The following DYNC2I2 variants were observed in gnomAD, a reference collection of about 807,000 sequenced individuals.
The protein encoded by DYNC2I2 is cytoplasmic dynein 2 intermediate chain 2.
A neutral mutation model predicts 52.0 loss-of-function variants in DYNC2I2; 39 were observed. That is an observed-to-expected ratio of 0.75 (90% CI 0.58 to 0.98). The LOEUF is 0.98. Ranked by LOEUF, DYNC2I2 falls within the 50% of genes least tolerant of loss-of-function variation. The pLI is 0.00. For synonymous variants in DYNC2I2, 359 were observed against 321.1 expected, an observed-to-expected ratio of 1.12 and a Z score of -1.26; for missense variants, 743 against 728.4, an observed-to-expected ratio of 1.02 and a Z score of -0.23.
At chr9:128,667,424 C>G in the DYNC2I2 span, among the ~76,000 whole-genome samples, 92 of 152,072 alleles carry the variant, frequency 6.0e-4, no homozygotes, top group African/African-American at 2.1e-3. Context: ...CTCCCTGGTT[C>G]AAGCGATTCT....
chr9:128,663,582 A>G, the DYNC2I2 span: 1 of 151,720 alleles, frequency 6.6e-6, no homozygotes, highest in South Asian at 2.1e-4. Flanking sequence ...TTAATCTGCA[A>G]GTAGATGTAT....
At chr9:128,680,510 T>C in the DYNC2I2 span, among the ~76,000 whole-genome samples, 2 of 151,782 alleles carry the variant, frequency 1.3e-5, no homozygotes, top group Admixed American at 6.6e-5. Context: ...CCAGAGTAGC[T>C]GGGACTACAG....
At chr9:128,683,930 A>C in the DYNC2I2 span, 4 of 1,555,880 alleles carry the variant, frequency 2.6e-6, no homozygotes, top group Non-Finnish European at 3.5e-6. Context: ...CTCCCGCCTC[A>C]AAAGAAGAAA....
At chr9:128,665,296 C>G in the DYNC2I2 span, among the ~76,000 whole-genome samples, 2 of 151,916 alleles carry the variant, frequency 1.3e-5, no homozygotes, top group Non-Finnish European at 2.9e-5. Flanking sequence ...CGTGTTCCAC[C>G]CTCCTCGGCC....
Position 128,636,850 on chromosome 9 carries a change from A to T in DYNC2I2, c.545+68T>A, listed in dbSNP as rs1860424878. On this transcript the variant is annotated intron_variant, in intron 3 of 8. Transcript: ENST00000372715. ...AGAACCAGCCCTTCCCTGTGCAGCT[A>T]CAGAGACAAGGCCCAAGGAGGGTCC... is the stretch of plus-strand genomic sequence containing the variant. 12 of 1,238,314 alleles carry T rather than the reference A, an allele frequency of 9.7e-6. No homozygotes were observed. The South Asian group carries it at 1.3e-4, about 13-fold the overall frequency. The allele number at this position is 1,238,314 out of a possible 1,614,324, so 76.7% of individuals were successfully genotyped here.
At chr9:128,684,363 T>C in the DYNC2I2 span, among the ~76,000 whole-genome samples, 8 of 152,272 alleles carry the variant, frequency 5.3e-5, no homozygotes, top group African/African-American at 1.9e-4. Context: ...CTGGTGGTTC[T>C]ACCTCAGTAT....
chr9:128,676,259 G>A, the DYNC2I2 span, among the ~76,000 whole-genome samples: 2 of 152,144 alleles, frequency 1.3e-5, no homozygotes, highest in Admixed American at 1.3e-4. Context: ...GGAGGCCAAG[G>A]TGGGTGGATC....
chr9:128,643,105 CTGAGCGCCGTGG>C (rs1371934882), intron 1 of DYNC2I2, among the ~76,000 whole-genome samples: 4 of 152,178 alleles, frequency 2.6e-5, no homozygotes, highest in Non-Finnish European at 4.4e-5. Flanking sequence ...GGAAAATCCC[CTGAGCGCCGTGG>C]CTCACGCCTG....
chr9:128,642,754 CA>C (rs936860089), intron 1 of DYNC2I2, among the ~76,000 whole-genome samples: 14 of 145,850 alleles, frequency 9.6e-5, no homozygotes, highest in Admixed American at 4.1e-4. Flanking sequence ...GACTCCATTT[CA>C]AAAAAAAAAA....
In DYNC2I2 at chr9:128,640,958, CAA is replaced by C. The variant is rs1305539037; in HGVS notation, c.187-21_187-20del. On this transcript the variant is annotated intron_variant, in intron 1 of 8. Coordinates refer to ENST00000372715, the MANE Select transcript of DYNC2I2 (RefSeq NM_052844.4). ...AACTTTTCTGGGGGGAGGGTGAAAA[CAA>C]GTGTCACCACCCAGCTGTCCTCGCA... is the stretch of plus-strand genomic sequence containing the variant. 2 of 1,565,274 alleles carry C rather than the reference CAA, an allele frequency of 1.3e-6. No homozygotes were observed. Among genetic ancestry groups the C allele is most frequent in the African/African-American group, 2.7e-5 (2 of 74,198 alleles).
At chr9:128,673,754 C>G in the DYNC2I2 span, among the ~76,000 whole-genome samples, 9 of 151,794 alleles carry the variant, frequency 5.9e-5, no homozygotes, top group Non-Finnish European at 1.0e-4. Context: ...GATCCGCCCC[C>G]CTAGGCCTCC....
chr9:128,659,511 AC>A (rs1860894088), upstream of DYNC2I2, among the ~76,000 whole-genome samples: 2 of 147,762 alleles, frequency 1.4e-5, no homozygotes, highest in African/African-American at 2.5e-5. Context: ...AAAAAAAAAA[AC>A]ACACACACAA....
the DYNC2I2 span, among the ~76,000 whole-genome samples, chr9:128,681,186 G>T: frequency 6.6e-6 from 1 of 151,942 alleles, no homozygotes; most frequent in African/African-American, 2.4e-5. Flanking sequence ...AGCCTCCCGG[G>T]TTCAAGTGAT....
At chr9:128,648,615 A>C (rs761440506) in intron 1 of DYNC2I2, among the ~76,000 whole-genome samples, 1 of 136,034 alleles carries the variant, frequency 7.4e-6, no homozygotes, top group Non-Finnish European at 1.6e-5. Flanking sequence ...GTGAAGCCCT[A>C]TCTCTACTAA....
upstream of DYNC2I2, among the ~76,000 whole-genome samples, chr9:128,657,935 A>AT (rs1227709731): frequency 7.9e-5 from 12 of 151,872 alleles, no homozygotes; most frequent in African/African-American, 2.7e-4. Context: ...ACAAAAAAAA[A>AT]TTTTTTAATT....
At chr9:128,678,076 T>C in the DYNC2I2 span, among the ~76,000 whole-genome samples, 1 of 151,796 alleles carries the variant, frequency 6.6e-6, no homozygotes, top group South Asian at 2.1e-4. Context: ...TCTTTTCTTT[T>C]TTTTTTTTTT....
chr9:128,635,032 A>G lies in DYNC2I2; in HGVS notation c.981+60T>C. 3 of 1,584,288 alleles carry G rather than the reference A, an allele frequency of 1.9e-6. No individual in the cohort carries two copies. The Admixed American group carries it at 5.1e-5, about 27-fold the overall frequency. ...CACAGCAAGTCAGGCCCACTGCCAC[A>G]CCTTCCCACCCCCAAGGCTCACCGG... On this transcript the variant is annotated intron_variant, in intron 6 of 8. Transcript: ENST00000372715.
the DYNC2I2 span, among the ~76,000 whole-genome samples, chr9:128,679,941 CTG>C: frequency 5.3e-5 from 8 of 152,190 alleles, no homozygotes; most frequent in Admixed American, 2.6e-4. Flanking sequence ...CATCCAGAAA[CTG>C]AGCATCACCA....
chr9:128,656,884 T>G (rs1050300478), upstream of DYNC2I2: 6 of 764,016 alleles, frequency 7.9e-6, no homozygotes, highest in Non-Finnish European at 1.9e-6. Flanking sequence ...GTAACGATTC[T>G]TCTCGGCCAG....
Sources: allele counts gnomAD v4.1 joint callset (sites outside exome capture counted in the v4.1 genomes callset), GRCh38; gene constraint gnomAD v4.1.1; transcripts MANE v1.5; gene names NCBI Gene and HGNC (gene_info 2026-07-23, HGNC 2026-07-21).